PDZD2: variants seen among roughly 807,000 people sequenced by gnomAD.
PDZD2 encodes the protein PDZ domain-containing protein 2.
In PDZD2, 90 loss-of-function variants were observed where a neutral mutation model predicts 220.7. The ratio of observed to expected loss-of-function variants is 0.41; its 90% CI spans 0.34 to 0.49. PDZD2 has a LOEUF of 0.49. Among genes scored for constraint, PDZD2 ranks in the 20% least tolerant of loss-of-function variants. The pLI is 0.28. For synonymous variants in PDZD2, 1,375 were observed against 1,450.5 expected (o/e 0.95, Z 1.18); for missense variants, 3,174 against 3,608.5 (o/e 0.88, Z 3.08).
chr5:31,912,726 G>A (rs978763560), intron 2 of PDZD2, among the ~76,000 whole-genome samples: 21 of 152,166 alleles, frequency 1.4e-4, no homozygotes, highest in African/African-American at 4.8e-4. Flanking sequence ...CCACTCCATG[G>A]AGGTGTCTCT....
chr5:31,710,800 G>A (rs1406899000), intron 1 of PDZD2, among the ~76,000 whole-genome samples: 1 of 141,696 alleles, frequency 7.1e-6, no homozygotes, highest in East Asian at 2.1e-4. Context: ...TGGGCGACAA[G>A]AGCAAAACTC....
At chr5:31,714,928 G>A (rs910645776) in intron 1 of PDZD2, among the ~76,000 whole-genome samples, 2 of 151,834 alleles carry the variant, frequency 1.3e-5, no homozygotes, top group Admixed American at 6.6e-5. Flanking sequence ...GAGTGGTGGT[G>A]GGCGCCTGTA....
chr5:32,014,939 C>CTTTTTTTTTTTTT (rs746683258), intron 6 of PDZD2, among the ~76,000 whole-genome samples: 1 of 94,020 alleles, frequency 1.1e-5, no homozygotes, highest in African/African-American at 4.0e-5. Context: ...CAATCTCTCT[C>CTTTTTTTTTTTTT]TTTTTTTTTT....
chr5:32,088,740 C>T lies in PDZD2; in HGVS notation c.5292C>T (p.Val1764=), dbSNP rs764404877. Residue 1764 remains valine, a synonymous_variant, in exon 20 of 25, where the codon GTC becomes GTT. Coordinates refer to ENST00000438447, the MANE Select transcript of PDZD2 (RefSeq NM_178140.4). The surrounding 1 kb of genome is among the most constrained non-coding windows in gnomAD (Gnocchi z 4.6). ...AASLSSFSVD[V]PKNGESVLEN... is the part of the protein sequence containing the mutation. ...GTCTGTCCTCCTTCAGTGTGGATGTCCCTAAGAATGGAGAATCTGTTTTGG... is the reference window on the plus strand; with the variant it reads ...GTCTGTCCTCCTTCAGTGTGGATGTTCCTAAGAATGGAGAATCTGTTTTGG... The T allele has an allele frequency of 5.6e-6, 9 of 1,614,006 alleles. No individual in the cohort carries two copies. Among genetic ancestry groups the T allele is most frequent in the East Asian group, 2.2e-5 (1 of 44,872 alleles).
chr5:32,102,252 C>G (rs141181783), intron 24 of PDZD2, among the ~76,000 whole-genome samples: 8 of 152,126 alleles, frequency 5.3e-5, no homozygotes, highest in Non-Finnish European at 1.2e-4. Flanking sequence ...GAAATGTGCA[C>G]TGCAGGCTGG....
chr5:31,672,944 G>A (rs1390049764), intron 1 of PDZD2, among the ~76,000 whole-genome samples: 1 of 152,182 alleles, frequency 6.6e-6, no homozygotes, highest in East Asian at 1.9e-4. Context: ...CTGTCACTTT[G>A]CCCATTGTTA....
chr5:31,661,208 C>T (rs2150111850), intron 1 of PDZD2, among the ~76,000 whole-genome samples: 1 of 152,306 alleles, frequency 6.6e-6, no homozygotes, highest in South Asian at 2.1e-4. Context: ...GCTAAAATAG[C>T]AGCCTGTTGT....
At chr5:31,678,233 C>A (rs1306251267) in intron 1 of PDZD2, among the ~76,000 whole-genome samples, 3 of 152,288 alleles carry the variant, frequency 2.0e-5, no homozygotes, top group Non-Finnish European at 4.4e-5. Flanking sequence ...GGCCAGTACC[C>A]ATGTGATGAG....
rs3222598 is a variant in PDZD2 at position 31,730,592 on chromosome 5, G to GTGGTGT, written c.-360-68297_-360-68296insTGGTGT. Among the ~76,000 whole-genome samples, 525 of 121,216 alleles carry GTGGTGT rather than the reference G, an allele frequency of 4.3e-3. 3 individuals are homozygous for GTGGTGT. The highest frequency in any genetic ancestry group is 0.027 in the East Asian group (108 of 3,972). The allele number at this position is 121,216 out of a possible 152,430, so 79.5% of individuals were successfully genotyped here. A position where few individuals can be genotyped will look rare whatever the true frequency, so the allele number is the denominator to read the frequency against. ...TGTGTGTGTGTGTGTGTGTGTGTGT[G>GTGGTGT]GTGTGTGTGTGTGTGTGTAAGGGAG... On this transcript the variant is annotated intron_variant, in intron 1 of 24. Coordinates refer to ENST00000438447, the MANE Select transcript of PDZD2 (RefSeq NM_178140.4).
In PDZD2 at chr5:31,782,645, G is replaced by A. The variant is rs558000524; in HGVS notation, c.-360-16244G>A. ...TCTCTAAGGATTGGATCTGGATCTA[G>A]CGTATCTTTAAGAAGCCCAGATGAT... is the stretch of plus-strand genomic sequence containing the variant. On this transcript the variant is annotated intron_variant, in intron 1 of 24. Transcript: ENST00000438447. Among the ~76,000 whole-genome samples, 5 of 151,486 alleles carry A rather than the reference G, an allele frequency of 3.3e-5. No homozygotes were observed. In the East Asian group the frequency reaches 9.7e-4, roughly 30 times the overall value.
At chr5:31,663,360 T>G (rs1322455972) in intron 1 of PDZD2, among the ~76,000 whole-genome samples, 1 of 152,218 alleles carries the variant, frequency 6.6e-6, no homozygotes, top group Non-Finnish European at 1.5e-5. Flanking sequence ...GAAGACCGTT[T>G]GGTAGGACTT....
In PDZD2 at chr5:31,913,140, G is replaced by A. The variant is rs189621094; in HGVS notation, c.477-70015G>A. On this transcript the variant is annotated intron_variant, in intron 2 of 24. Transcript: ENST00000438447. The stretch of plus-strand genomic sequence containing the variant: ...TCCCAGCACTTTGGAAGGCTGAGGC[G>A]GGTGGATTGCTTGAGGTCAGGAGTT... 9.9e-4 allele frequency among the ~76,000 whole-genome samples: 151 copies of A among 152,210 alleles called. 1 individual carries two copies. The highest frequency in any genetic ancestry group is 1.8e-3 in the African/African-American group (76 of 41,554).
intron 6 of PDZD2, among the ~76,000 whole-genome samples, chr5:32,011,641 C>T (rs1242493664): frequency 6.6e-6 from 1 of 152,108 alleles, no homozygotes; most frequent in Admixed American, 6.6e-5. Flanking sequence ...TCTCTCTGCC[C>T]CTTGGAGCCC....
intron 21 of PDZD2, among the ~76,000 whole-genome samples, chr5:32,093,561 A>C (rs1345636575): frequency 6.6e-6 from 1 of 152,176 alleles, no homozygotes; most frequent in African/African-American, 2.4e-5. Flanking sequence ...CTAACAACCT[A>C]CTGTTGACCG....
intron 1 of PDZD2, among the ~76,000 whole-genome samples, chr5:31,708,970 CT>C (rs1225555500): frequency 6.7e-6 from 1 of 149,164 alleles, no homozygotes; most frequent in Non-Finnish European, 1.5e-5. Context: ...TCACTGCAAC[CT>C]CCGCCTCCCG....
At chr5:31,810,493 C>T (rs1755045072) in intron 2 of PDZD2, among the ~76,000 whole-genome samples, 1 of 152,156 alleles carries the variant, frequency 6.6e-6, no homozygotes, top group Non-Finnish European at 1.5e-5. Flanking sequence ...TCTGGATCTC[C>T]TGACCTTGTG....
Position 31,904,802 on chromosome 5 carries a change from T to C in PDZD2, c.477-78353T>C, listed in dbSNP as rs1031698962. Among the ~76,000 whole-genome samples the C allele has an allele frequency of 7.2e-5, 11 of 152,262 alleles. No homozygotes were observed. The South Asian group carries it at 2.1e-3, about 29-fold the overall frequency. ...GTGAATATTATTGGAAAGGTACAGA[T>C]ACAGAATTCTGGGCGCAATTACATC... On this transcript the variant is annotated intron_variant, in intron 2 of 24. Coordinates refer to ENST00000438447, the MANE Select transcript of PDZD2 (RefSeq NM_178140.4).
chr5:31,902,183 C>T (rs555740290), intron 2 of PDZD2, among the ~76,000 whole-genome samples: 1 of 152,328 alleles, frequency 6.6e-6, no homozygotes, highest in African/African-American at 2.4e-5. Flanking sequence ...CGTTACTGCA[C>T]AATTTTACAT....
chr5:32,020,157 T>C (rs1754088042), intron 6 of PDZD2, among the ~76,000 whole-genome samples: 1 of 151,676 alleles, frequency 6.6e-6, no homozygotes, highest in Admixed American at 6.6e-5. Flanking sequence ...AACCTCCACC[T>C]CCATGCCTAG....
Sources: allele counts gnomAD v4.1 joint callset (sites outside exome capture counted in the v4.1 genomes callset), GRCh38; gene constraint gnomAD v4.1.1; non-coding constraint Gnocchi (gnomAD v3.1); transcripts MANE v1.5; gene names NCBI Gene and HGNC (gene_info 2026-07-23, HGNC 2026-07-21).